Variants in EBF1 observed in about 807,000 individuals in gnomAD.
EBF1 encodes EBF transcription factor 1.
EBF1 carries 10 observed loss-of-function variants against 68.4 expected under a neutral mutation model. The ratio of observed to expected loss-of-function variants is 0.15; its 90% CI spans 0.09 to 0.25. The LOEUF is 0.25. Among genes scored for constraint, EBF1 ranks in the 10% least tolerant of loss-of-function variants. EBF1 has a pLI of 1.00. For missense variants in EBF1, 509 were observed against 794.4 expected, an observed-to-expected ratio of 0.64 and a Z score of 4.32; for synonymous variants, 298 against 299.8, an observed-to-expected ratio of 0.99 and a Z score of 0.06.
chr5:158,777,051 C>T (rs139850574), intron 10 of EBF1, among the ~76,000 whole-genome samples: 10 of 152,298 alleles, frequency 6.6e-5, no homozygotes, highest in Admixed American at 4.6e-4. Flanking sequence ...AGAGGAAAGA[C>T]GTACTGTTCA....
At chr5:158,898,965 C>T (rs1802723177) in intron 6 of EBF1, among the ~76,000 whole-genome samples, 1 of 152,164 alleles carries the variant, frequency 6.6e-6, no homozygotes, top group Non-Finnish European at 1.5e-5. Flanking sequence ...AGGTTTCAGC[C>T]CAAGATGCCC....
intron 10 of EBF1, among the ~76,000 whole-genome samples, chr5:158,772,415 AC>A (rs1774050596): frequency 6.6e-6 from 1 of 152,050 alleles, no homozygotes; most frequent in African/African-American, 2.4e-5. Context: ...TGTTGCTAGG[AC>A]CTCCAGAGGA....
chr5:159,093,741 G>A (rs1322841479), intron 4 of EBF1, among the ~76,000 whole-genome samples: 1 of 152,020 alleles, frequency 6.6e-6, no homozygotes, highest in Non-Finnish European at 1.5e-5. Flanking sequence ...TGACTAGAGA[G>A]ACTTAAAATA....
intron 10 of EBF1, among the ~76,000 whole-genome samples, chr5:158,765,821 G>A (rs1357254574): frequency 6.6e-6 from 1 of 152,108 alleles, no homozygotes; most frequent in Non-Finnish European, 1.5e-5. Context: ...ATGTAAAAGG[G>A]TGAGCCTACT....
chr5:159,070,884 C>T lies in EBF1; in HGVS notation c.554+2512G>A, dbSNP rs140680258. On this transcript the variant is annotated intron_variant, in intron 6 of 15. Coordinates refer to ENST00000313708, the MANE Select transcript of EBF1 (RefSeq NM_024007.5). ...CTGAAAGCAAATCAAACCCTAAGCA[C>T]GTAACACAGATATTATGCAATCAGT... Among the ~76,000 whole-genome samples, 937 of 152,240 alleles carry T rather than the reference C, an allele frequency of 6.2e-3. 11 individuals carry two copies. The highest frequency in any genetic ancestry group is 0.022 in the African/African-American group (895 of 41,520).
At chr5:158,844,960 A>G (rs1791140296) in intron 6 of EBF1, among the ~76,000 whole-genome samples, 1 of 152,198 alleles carries the variant, frequency 6.6e-6, no homozygotes. Flanking sequence ...CTTTCATGTG[A>G]CCAGCACGGT....
intron 6 of EBF1, among the ~76,000 whole-genome samples, chr5:159,060,979 T>A (rs1029750318): frequency 2.8e-5 from 4 of 142,154 alleles, no homozygotes; most frequent in African/African-American, 5.4e-5. Flanking sequence ...CACATACCCC[T>A]CAGCCATCTA....
At chr5:158,787,596 G>A (rs1777714336) in intron 9 of EBF1, among the ~76,000 whole-genome samples, 1 of 152,200 alleles carries the variant, frequency 6.6e-6, no homozygotes, top group Non-Finnish European at 1.5e-5. Flanking sequence ...TAGCTATGGA[G>A]TCAGGTGGAC....
At chr5:158,907,045 C>T (rs1266153739) in intron 6 of EBF1, among the ~76,000 whole-genome samples, 19 of 152,184 alleles carry the variant, frequency 1.2e-4, no homozygotes, top group Admixed American at 1.2e-3. Flanking sequence ...TGGGGGACAT[C>T]CTGGGGTTGG....
chr5:158,866,401 G>A (rs115751673), intron 6 of EBF1, among the ~76,000 whole-genome samples: 3,208 of 152,178 alleles, frequency 0.021, 120 homozygotes, highest in African/African-American at 0.073. Flanking sequence ...TTTTTCTCTT[G>A]TCACAACCCT....
chr5:159,079,602 C>CTTTTTTTTTT (rs58461083), intron 5 of EBF1, among the ~76,000 whole-genome samples: 2 of 113,648 alleles, frequency 1.8e-5, no homozygotes, highest in East Asian at 2.5e-4. Flanking sequence ...CTCCTTTTAT[C>CTTTTTTTTTT]TTTTTTTTTT....
chr5:158,829,509 A>C (rs1417131968), intron 7 of EBF1, among the ~76,000 whole-genome samples: 1 of 151,824 alleles, frequency 6.6e-6, no homozygotes, highest in South Asian at 2.1e-4. Context: ...TTTTAATAAC[A>C]TATTAATATT....
chr5:158,736,888 G>C (rs538035845), intron 10 of EBF1, among the ~76,000 whole-genome samples: 1 of 152,170 alleles, frequency 6.6e-6, no homozygotes, highest in Non-Finnish European at 1.5e-5. Flanking sequence ...CCAGAAACCT[G>C]AACAAGGCCA....
chr5:159,069,814 G>A (rs552366803), intron 6 of EBF1, among the ~76,000 whole-genome samples: 16 of 152,146 alleles, frequency 1.1e-4, no homozygotes, highest in Admixed American at 3.9e-4. Context: ...TAATAAACTC[G>A]TTGAAATGGG....
chr5:158,799,163 C>T lies in EBF1; in HGVS notation c.779-2688G>A, dbSNP rs143698017. Reference sequence around the variant, plus strand: ...GGAGGTCAAACTGGGTATAGTGGCTCACACCTGTAAACCCAGCACTTTGGG... The same window carrying T: ...GGAGGTCAAACTGGGTATAGTGGCTTACACCTGTAAACCCAGCACTTTGGG... On this transcript the variant is annotated intron_variant, in intron 8 of 15. Coordinates refer to ENST00000313708, the MANE Select transcript of EBF1 (RefSeq NM_024007.5). Among the ~76,000 whole-genome samples, 338 of 152,230 alleles carry T rather than the reference C, an allele frequency of 2.2e-3. 4 individuals carry two copies. Among genetic ancestry groups the T allele is most frequent in the African/African-American group, 8.0e-3 (331 of 41,560 alleles).
intron 11 of EBF1, among the ~76,000 whole-genome samples, chr5:158,716,918 C>T (rs929406498): frequency 5.9e-5 from 9 of 152,142 alleles, no homozygotes; most frequent in African/African-American, 2.2e-4. Context: ...ATGGGTTTGG[C>T]ACCATAGTGT....
At chr5:159,091,107 A>T (rs974096236) in intron 4 of EBF1, among the ~76,000 whole-genome samples, 14 of 152,218 alleles carry the variant, frequency 9.2e-5, no homozygotes, top group African/African-American at 3.1e-4. Flanking sequence ...GTACAGTCAT[A>T]TGAGTTCAAT....
rs974747218 is a variant in EBF1, at chr5:158,968,361, T to C, written c.554+105035A>G. Among the ~76,000 whole-genome samples, 58 of 152,246 alleles carry C rather than the reference T, an allele frequency of 3.8e-4. 1 individual carries two copies. Among genetic ancestry groups the C allele is most frequent in the Non-Finnish European group, 1.9e-4 (13 of 68,048 alleles). ...CTCTCATTCTGACATTTTAACGTTA[T>C]CTTGTTTTACTGTGTCGGCCTAACA... is the stretch of plus-strand genomic sequence containing the variant. On this transcript the variant is annotated intron_variant, in intron 6 of 15. Coordinates refer to ENST00000313708, the MANE Select transcript of EBF1 (RefSeq NM_024007.5).
At chr5:159,073,775 T>C (rs1277898729) in intron 5 of EBF1, 1 of 322,760 alleles carries the variant, frequency 3.1e-6, no homozygotes, top group East Asian at 5.6e-5. Context: ...TGAAGTGCAC[T>C]GTTATTGCAT....
Sources: gnomAD v4.1 joint callset for allele counts (sites outside exome capture counted in the v4.1 genomes callset) on GRCh38, gnomAD v4.1.1 for gene constraint, MANE v1.5 for transcripts, NCBI Gene and HGNC (gene_info 2026-07-23, HGNC 2026-07-21) for gene names.